PTPRN2: variants seen among roughly 807,000 people sequenced by gnomAD.
PTPRN2 encodes the protein receptor-type tyrosine-protein phosphatase N2.
A neutral mutation model predicts 118.8 loss-of-function variants in PTPRN2; 74 were observed. The observed-to-expected ratio is 0.62, with a 90% CI of 0.52 to 0.76. The LOEUF (loss-of-function observed/expected upper bound fraction) is 0.76, where lower values mean the gene tolerates loss of function less well. Ranked by LOEUF, PTPRN2 falls within the 30% of genes least tolerant of loss-of-function variation. The pLI, the probability that PTPRN2 is intolerant of heterozygous loss-of-function variation, is 0.00. For synonymous variants in PTPRN2, 641 were observed against 608.0 expected (o/e 1.05, Z -0.80); for missense variants, 1,481 against 1,394.4 (o/e 1.06, Z -0.99).
At chr7:157,715,879 A>C (rs1340036694) in intron 12 of PTPRN2, among the ~76,000 whole-genome samples, 2 of 152,192 alleles carry the variant, frequency 1.3e-5, no homozygotes, top group African/African-American at 4.8e-5. Flanking sequence ...GGCAGGCTGC[A>C]TGCTCCGGGG....
chr7:158,274,508 A>AGGCACGGGGGGAGCCG (rs1563074906), intron 3 of PTPRN2, among the ~76,000 whole-genome samples: 1 of 136,152 alleles, frequency 7.3e-6, no homozygotes, highest in Admixed American at 7.2e-5. Flanking sequence ...AGGGGGAGCC[A>AGGCACGGGGGGAGCCG]CAGGCACGGG....
intron 11 of PTPRN2, among the ~76,000 whole-genome samples, chr7:158,046,779 A>G (rs779806329): frequency 6.6e-6 from 1 of 152,116 alleles, no homozygotes; most frequent in Admixed American, 6.5e-5. Context: ...CTAACCTGAC[A>G]TTTTGGAGAC....
intron 4 of PTPRN2, among the ~76,000 whole-genome samples, chr7:158,199,319 T>C (rs1227707974): frequency 6.6e-6 from 1 of 152,200 alleles, no homozygotes; most frequent in Non-Finnish European, 1.5e-5. Flanking sequence ...TTCCTCACAC[T>C]GGGCACTCAT....
chr7:157,836,595 T>C (rs1374103726), intron 12 of PTPRN2, among the ~76,000 whole-genome samples: 1 of 125,988 alleles, frequency 7.9e-6, no homozygotes, highest in East Asian at 2.5e-4. Context: ...ACATACAAAC[T>C]GAAAAGCAAA....
intron 12 of PTPRN2, among the ~76,000 whole-genome samples, chr7:157,734,350 T>C (rs1181430028): frequency 6.6e-6 from 1 of 151,856 alleles, no homozygotes; most frequent in African/African-American, 2.4e-5. Context: ...TTCCATTCCA[T>C]GCACCCAGCA....
chr7:158,367,605 G>A (rs1283625321), intron 2 of PTPRN2, among the ~76,000 whole-genome samples: 2 of 152,162 alleles, frequency 1.3e-5, no homozygotes, highest in African/African-American at 4.8e-5. Flanking sequence ...GAAGGATGAC[G>A]AAATTACGTT....
intron 1 of PTPRN2, among the ~76,000 whole-genome samples, chr7:158,519,140 C>T (rs536972693): frequency 5.9e-5 from 9 of 152,194 alleles, no homozygotes; most frequent in Admixed American, 5.9e-4. Context: ...ACACAGTACA[C>T]AGGCGTCGTC....
rs760123174 is a variant in PTPRN2, at chr7:157,656,523, C to T, written c.2030G>A (p.Arg677Gln). ...CGGGCCCTCAGGTCGGTCTGGTGGC[C>T]GCGTGGCCATACGCTGGCGGCACAG... ...QELCRQRMAT[R>Q]PPDRPEGPHT... The change falls in exon 14 of 23, where the codon CGG (arginine) becomes CAG (glutamine). Residue 677 changes from arginine to glutamine, a missense_variant. This residue lies in a region of PTPRN2 where 1,115 missense variants were observed against 994.2 expected (regional missense o/e 1.12). Transcript: ENST00000389418. 18 of 1,548,666 alleles carry T rather than the reference C, an allele frequency of 1.2e-5. No homozygotes were observed. Among genetic ancestry groups the T allele is most frequent in the Admixed American group, 1.9e-5 (1 of 52,644 alleles).
Position 157,881,008 on chromosome 7 carries a change from C to T in PTPRN2, c.1788+17665G>A, listed in dbSNP as rs1796077186. ...AAGTGCCTATGGGAAGCTCTAATCCCAGAACTTCCGAATGTGACTGTATGT... is the reference window on the plus strand; with the variant it reads ...AAGTGCCTATGGGAAGCTCTAATCCTAGAACTTCCGAATGTGACTGTATGT... On this transcript the variant is annotated intron_variant, in intron 12 of 22. Transcript: ENST00000389418. The surrounding 1 kb of genome is among the most constrained non-coding windows in gnomAD (Gnocchi z 4.7). 6.6e-6 allele frequency among the ~76,000 whole-genome samples: 1 copy of T among 152,184 alleles called. No homozygotes were observed.
rs146458308 is a variant in PTPRN2 at position 158,192,333 on chromosome 7, G to T, written c.543C>A (p.Pro181=). 6.1e-6 allele frequency: 9 copies of T among 1,475,190 alleles called. No individual in the cohort carries two copies. Among genetic ancestry groups the T allele is most frequent in the Admixed American group, 5.8e-5 (2 of 34,352 alleles). 91.4% of individuals were successfully genotyped at this position (1,475,190 alleles called of 1,614,324 possible). ...GAGGAAGTGGAAGGGTCACCTCAGC[G>T]GGGGGTCTGTCCTGCGCCGTATGGG... ...ARTHTAQDRP[P]AEGDDRFSES... Residue 181 remains proline (P), a synonymous_variant, in exon 5 of 23, where the codon CCC becomes CCA. Transcript: ENST00000389418.
chr7:157,580,838 G>GGA (rs1800332090), intron 17 of PTPRN2, among the ~76,000 whole-genome samples: 1 of 101,156 alleles, frequency 9.9e-6, no homozygotes, highest in Non-Finnish European at 2.0e-5. Context: ...CCCAGCACCT[G>GGA]CACACCCGAG....
intron 12 of PTPRN2, among the ~76,000 whole-genome samples, chr7:157,727,758 G>A (rs184683099): frequency 2.8e-4 from 43 of 152,342 alleles, no homozygotes; most frequent in African/African-American, 9.6e-4. Flanking sequence ...GAAGTGTCAC[G>A]TAAAGTGTGA....
chr7:157,683,954 T>C (rs1057201913), intron 12 of PTPRN2, among the ~76,000 whole-genome samples: 1 of 152,094 alleles, frequency 6.6e-6, no homozygotes, highest in Non-Finnish European at 1.5e-5. Flanking sequence ...TTTCGCGTGG[T>C]AACAAAATGG....
intron 3 of PTPRN2, among the ~76,000 whole-genome samples, chr7:158,295,196 C>T: frequency 8.2e-6 from 1 of 122,630 alleles, no homozygotes; most frequent in African/African-American, 3.2e-5. Flanking sequence ...ACCTGCCTTT[C>T]TGAGGGTCTA....
chr7:158,262,405 C>A lies in PTPRN2; in HGVS notation c.277+54414G>T, dbSNP rs998955519. On this transcript the variant is annotated intron_variant, in intron 3 of 22. Transcript: ENST00000389418. Reference sequence around the variant, plus strand: ...CACACATTCACACACACTGCACACACACATACATACATTCACACACATACA... The same window carrying A: ...CACACATTCACACACACTGCACACAAACATACATACATTCACACACATACA... Among the ~76,000 whole-genome samples, 105 of 149,456 alleles carry A rather than the reference C, an allele frequency of 7.0e-4. 2 individuals are homozygous for A. Among genetic ancestry groups the A allele is most frequent in the Non-Finnish European group, 1.0e-3 (70 of 67,290 alleles).
chr7:158,185,110 T>C (rs1585772956), intron 5 of PTPRN2, among the ~76,000 whole-genome samples: 1 of 152,256 alleles, frequency 6.6e-6, no homozygotes. Flanking sequence ...TGATGCAGTA[T>C]TCTTTTTTAT....
chr7:158,100,244 G>C (rs986465009), intron 10 of PTPRN2, among the ~76,000 whole-genome samples: 16 of 147,316 alleles, frequency 1.1e-4, no homozygotes, highest in Non-Finnish European at 2.4e-4. Flanking sequence ...TATTCCATGG[G>C]GTGTGTGTGT....
At chr7:157,761,428 C>G (rs1431442683) in intron 12 of PTPRN2, among the ~76,000 whole-genome samples, 1 of 150,866 alleles carries the variant, frequency 6.6e-6, no homozygotes, top group Non-Finnish European at 1.5e-5. Context: ...CAGAACAGAG[C>G]CCTCAGAAAT....
intron 5 of PTPRN2, among the ~76,000 whole-genome samples, chr7:158,174,359 C>T (rs1201093617): frequency 1.3e-5 from 2 of 152,104 alleles, no homozygotes; most frequent in Admixed American, 6.6e-5. Context: ...CATCATCCCA[C>T]CATCCACAGC....
Sources: allele counts gnomAD v4.1 joint callset (sites outside exome capture counted in the v4.1 genomes callset), GRCh38; gene constraint gnomAD v4.1.1; regional missense constraint gnomAD v4.1.1; non-coding constraint Gnocchi (gnomAD v3.1); transcripts MANE v1.5; gene names NCBI Gene and HGNC (gene_info 2026-07-23, HGNC 2026-07-21).